Variants in BPIFA2 observed in about 807,000 individuals in gnomAD.
The protein encoded by BPIFA2 is BPI fold containing family A member 2.
BPIFA2 carries 20 observed loss-of-function variants against 25.7 expected under a neutral mutation model. The observed-to-expected ratio is 0.78, with a 90% CI of 0.55 to 1.13. BPIFA2 has a LOEUF of 1.13. Ranked by LOEUF, BPIFA2 falls within the 50% of genes most tolerant of loss-of-function variation. The probability of loss-of-function intolerance (pLI) is 0.00; values close to 1 mark genes in which losing one functional copy is unlikely to be tolerated. For missense variants in BPIFA2, 300 were observed against 298.1 expected, an observed-to-expected ratio of 1.01 and a Z score of -0.05; for synonymous variants, 126 against 124.3, an observed-to-expected ratio of 1.01 and a Z score of -0.09.
At position 33,172,855 on chromosome 20, in the gene BPIFA2, A is replaced by T. The variant is rs574004778; in HGVS notation, c.158-77A>T. The stretch of plus-strand genomic sequence containing the variant: ...ATTAAATGAAATAACATAGGCAAAC[A>T]GTCTTACCCGGTACCTGGAGCATCG... On this transcript the variant is annotated intron_variant, in intron 2 of 8. Transcript: ENST00000354932. The T allele has an allele frequency of 1.3e-4, 190 of 1,452,984 alleles. 1 individual carries two copies. In the South Asian group the frequency reaches 2.4e-3, roughly 18 times the overall value. The allele number at this position is 1,452,984 out of a possible 1,614,324, so 90.0% of individuals were successfully genotyped here.
chr20:33,178,073 GC>G, intron 5 of BPIFA2, 73 bp from the exon 6 acceptor site: 1 of 1,128,688 alleles, frequency 8.9e-7, no homozygotes, highest in South Asian at 1.4e-5. Flanking sequence ...TTCCCGCACC[GC>G]CCCCAACTTT....
At chr20:33,164,521 C>T (rs1219732087), upstream of BPIFA2, among the ~76,000 whole-genome samples, 2 of 151,742 alleles carry the variant, frequency 1.3e-5, no homozygotes, top group African/African-American at 4.8e-5. Flanking sequence ...TCTTCCTTTT[C>T]TCCTCCCTTT....
chr20:33,175,889 C>G (rs1355726076), intron 5 of BPIFA2, among the ~76,000 whole-genome samples: 2 of 152,288 alleles, frequency 1.3e-5, no homozygotes, highest in Non-Finnish European at 2.9e-5. Context: ...ATTACTGAGA[C>G]TGGAGTGTTG....
intron 4 of BPIFA2, 114 bp from the exon 5 acceptor site, chr20:33,175,293 A>C: frequency 9.6e-7 from 1 of 1,041,568 alleles, no homozygotes; most frequent in South Asian, 1.6e-5. Context: ...TACCTGGGCC[A>C]TGTTGACATT....
At chr20:33,173,705 T>C (rs1157410147) in intron 3 of BPIFA2, among the ~76,000 whole-genome samples, 2 of 152,162 alleles carry the variant, frequency 1.3e-5, no homozygotes, top group African/African-American at 2.4e-5. Context: ...GGTTTCTCCA[T>C]GTTGGTCAGG....
chr20:33,175,218 G>T (rs1429309394), intron 4 of BPIFA2, among the ~76,000 whole-genome samples, 189 bp from the exon 5 acceptor site: 1 of 152,148 alleles, frequency 6.6e-6, no homozygotes. Flanking sequence ...AACCCAAGTG[G>T]CCAGGAGAAG....
At chr20:33,180,440 G>T in intron 7 of BPIFA2, 80 bp from the exon 8 acceptor site, 1 of 1,479,372 alleles carries the variant, frequency 6.8e-7, no homozygotes, top group South Asian at 1.1e-5. Flanking sequence ...ACCGGCTGGA[G>T]AGCGGCATCT....
upstream of BPIFA2, among the ~76,000 whole-genome samples, chr20:33,165,667 G>A (rs6059131): frequency 5.1e-4 from 78 of 152,370 alleles, no homozygotes; most frequent in African/African-American, 1.8e-3. Context: ...CTGGGGATTA[G>A]CAGTCACGCA....
intron 1 of BPIFA2, among the ~76,000 whole-genome samples, chr20:33,162,759 G>A (rs747072512): frequency 1.3e-5 from 2 of 152,180 alleles, no homozygotes; most frequent in Non-Finnish European, 2.9e-5. Context: ...CAAAGCCCCT[G>A]CAAGATAAAT....
At chr20:33,169,399 G>A in intron 2 of BPIFA2, 97 bp downstream of exon 2, 1 of 1,288,058 alleles carries the variant, frequency 7.8e-7, no homozygotes, top group Non-Finnish European at 1.1e-6. Flanking sequence ...TACTCTTTAT[G>A]GGCGGTTTAC....
chr20:33,166,616 C>T (rs78437995), upstream of BPIFA2, among the ~76,000 whole-genome samples: 1,439 of 152,296 alleles, frequency 9.4e-3, 13 homozygotes, highest in Admixed American at 0.017. Flanking sequence ...TGGCCAGCAA[C>T]CAGCAGAGAG....
At chr20:33,177,001 C>T (rs1196974080) in intron 5 of BPIFA2, among the ~76,000 whole-genome samples, 3 of 152,112 alleles carry the variant, frequency 2.0e-5, no homozygotes, top group African/African-American at 4.8e-5. Context: ...TTAAAGCACT[C>T]GTCACAAGTT....
chr20:33,176,571 G>T (rs530509237), intron 5 of BPIFA2, among the ~76,000 whole-genome samples: 1 of 152,144 alleles, frequency 6.6e-6, no homozygotes, highest in Admixed American at 6.5e-5. Context: ...TTCAGAGGCT[G>T]GAGCCTGGCT....
chr20:33,164,989 T>C (rs1211119059), upstream of BPIFA2, among the ~76,000 whole-genome samples: 2 of 152,236 alleles, frequency 1.3e-5, no homozygotes, highest in African/African-American at 2.4e-5. Flanking sequence ...AGGCAGGACT[T>C]GAGAGGGGTC....
At chr20:33,163,514 C>T (rs1021383852), upstream of BPIFA2, among the ~76,000 whole-genome samples, 5 of 152,128 alleles carry the variant, frequency 3.3e-5, no homozygotes, top group Admixed American at 6.5e-5. Flanking sequence ...GGGAGGATTC[C>T]GACTGTTAGA....
upstream of BPIFA2, among the ~76,000 whole-genome samples, chr20:33,167,595 C>A (rs919243952): frequency 1.3e-5 from 2 of 152,170 alleles, no homozygotes; most frequent in South Asian, 2.1e-4. Flanking sequence ...ATCTAAAGTG[C>A]CCTTTAGGGA....
intron 5 of BPIFA2, among the ~76,000 whole-genome samples, chr20:33,177,303 C>G (rs540666406): frequency 4.0e-4 from 60 of 151,124 alleles, no homozygotes; most frequent in African/African-American, 1.4e-3. Context: ...TGCAGTGAGC[C>G]GAGATCGTGC....
intron 1 of BPIFA2, among the ~76,000 whole-genome samples, chr20:33,162,162 G>A (rs986978266): frequency 2.0e-5 from 3 of 152,060 alleles, no homozygotes; most frequent in Non-Finnish European, 2.9e-5. Flanking sequence ...TGTATTTTCA[G>A]TAGAGACGGG....
chr20:33,170,634 T>C (rs2146451559), intron 2 of BPIFA2, among the ~76,000 whole-genome samples: 1 of 152,324 alleles, frequency 6.6e-6, no homozygotes, highest in Middle Eastern at 3.4e-3. Flanking sequence ...CCTCAAGTGA[T>C]CCTCCTGCCT....
Sources: gnomAD v4.1 joint callset for allele counts (sites outside exome capture counted in the v4.1 genomes callset) on GRCh38, gnomAD v4.1.1 for gene constraint, MANE v1.5 for transcripts, NCBI Gene and HGNC (gene_info 2026-07-23, HGNC 2026-07-21) for gene names.